The following HCN1 variants were observed in gnomAD, a reference collection of about 807,000 sequenced individuals.
HCN1 encodes the protein potassium/sodium hyperpolarization-activated cyclic nucleotide-gated channel 1.
HCN1 carries 13 observed loss-of-function variants against 78.9 expected under a neutral mutation model. The observed-to-expected ratio is 0.16, with a 90% CI of 0.11 to 0.26. The LOEUF (loss-of-function observed/expected upper bound fraction) is 0.26. Among genes scored for constraint, HCN1 ranks in the 10% least tolerant of loss-of-function variants. The pLI is 1.00. For missense variants in HCN1, 810 were observed against 1,154.3 expected, an observed-to-expected ratio of 0.70 and a Z score of 4.32; for synonymous variants, 552 against 455.5, an observed-to-expected ratio of 1.21 and a Z score of -2.70.
At chr5:45,647,031 A>C (rs931800334) in intron 1 of HCN1, among the ~76,000 whole-genome samples, 8 of 152,170 alleles carry the variant, frequency 5.3e-5, no homozygotes, top group African/African-American at 1.9e-4. Context: ...TATCATCTGT[A>C]ATTAAGAATG....
At chr5:45,321,950 T>C (rs1746134770) in intron 5 of HCN1, among the ~76,000 whole-genome samples, 2 of 151,860 alleles carry the variant, frequency 1.3e-5, no homozygotes, top group South Asian at 4.1e-4. Context: ...ATATGTCAGG[T>C]AAATAAGAAG....
chr5:45,372,511 T>A (rs1240008488), intron 4 of HCN1, among the ~76,000 whole-genome samples: 1 of 124,594 alleles, frequency 8.0e-6, no homozygotes, highest in East Asian at 2.3e-4. Context: ...ATATAAAACA[T>A]TTACATATAA....
intron 4 of HCN1, among the ~76,000 whole-genome samples, chr5:45,381,487 T>A (rs1747805795): frequency 1.3e-5 from 2 of 152,168 alleles, no homozygotes; most frequent in Admixed American, 1.3e-4. Flanking sequence ...CTCATTCATG[T>A]AAAGTTAGTA....
chr5:45,500,788 T>C (rs1248222319), intron 2 of HCN1, among the ~76,000 whole-genome samples: 2 of 152,180 alleles, frequency 1.3e-5, no homozygotes, highest in African/African-American at 2.4e-5. Flanking sequence ...ATGTAAATCA[T>C]TTTATTTGAG....
At chr5:45,456,652 A>C (rs1366237703) in intron 3 of HCN1, among the ~76,000 whole-genome samples, 3 of 152,042 alleles carry the variant, frequency 2.0e-5, no homozygotes, top group African/African-American at 7.2e-5. Flanking sequence ...ATCAACAAAT[A>C]CATCTTAATG....
At chr5:45,426,592 C>T (rs1579886599) in intron 3 of HCN1, among the ~76,000 whole-genome samples, 1 of 152,294 alleles carries the variant, frequency 6.6e-6, no homozygotes, top group South Asian at 2.1e-4. Context: ...CTTTCTTCCC[C>T]TTCTGCCATG....
At chr5:45,515,570 A>T (rs1174337225) in intron 2 of HCN1, among the ~76,000 whole-genome samples, 2 of 152,040 alleles carry the variant, frequency 1.3e-5, no homozygotes, top group Non-Finnish European at 2.9e-5. Context: ...TTGTTATCAC[A>T]TACCAGGAAT....
chr5:45,687,889 C>T (rs951477612), intron 1 of HCN1, among the ~76,000 whole-genome samples: 6 of 152,026 alleles, frequency 3.9e-5, no homozygotes, highest in East Asian at 3.9e-4. Context: ...TCCAGTTTCC[C>T]GACTGAGAAA....
intron 2 of HCN1, among the ~76,000 whole-genome samples, chr5:45,506,389 C>T (rs1742301572): frequency 6.6e-6 from 1 of 152,074 alleles, no homozygotes; most frequent in Admixed American, 6.6e-5. Flanking sequence ...ATAAAATCCA[C>T]CTCAAATTTG....
intron 5 of HCN1, among the ~76,000 whole-genome samples, chr5:45,347,883 G>A (rs1038161961): frequency 3.3e-5 from 5 of 152,162 alleles, no homozygotes; most frequent in East Asian, 1.9e-4. Context: ...CCAAATCTAC[G>A]TCTGATTGGT....
intron 2 of HCN1, among the ~76,000 whole-genome samples, chr5:45,612,432 C>T (rs529948627): frequency 7.2e-5 from 11 of 152,234 alleles, no homozygotes; most frequent in Middle Eastern, 3.4e-3. Context: ...AAGGAAAGCA[C>T]ATTTATAATG....
At chr5:45,376,287 AT>A (rs1382382695) in intron 4 of HCN1, among the ~76,000 whole-genome samples, 1 of 1,334 alleles carries the variant, frequency 7.5e-4, no homozygotes, top group African/African-American at 2.2e-3. Flanking sequence ...GAATATATAG[AT>A]ATATATTGTA....
intron 7 of HCN1, among the ~76,000 whole-genome samples, chr5:45,266,751 C>T (rs1426857241): frequency 6.6e-6 from 1 of 151,298 alleles, no homozygotes; most frequent in Non-Finnish European, 1.5e-5. Flanking sequence ...CTCTCTCTCC[C>T]AGACGGGAGT....
intron 2 of HCN1, among the ~76,000 whole-genome samples, chr5:45,492,497 C>T (rs1037368937): frequency 1.4e-5 from 2 of 141,198 alleles, no homozygotes; most frequent in African/African-American, 5.3e-5. Flanking sequence ...GAGACAGTGG[C>T]GTTACCAGCA....
intron 6 of HCN1, among the ~76,000 whole-genome samples, chr5:45,268,686 A>G (rs1744906762): frequency 6.6e-6 from 1 of 152,226 alleles, no homozygotes; most frequent in South Asian, 2.1e-4. Context: ...CTAAACCATC[A>G]ATTATGCTGT....
At chr5:45,665,610 A>G (rs1286044289) in intron 1 of HCN1, among the ~76,000 whole-genome samples, 1 of 151,920 alleles carries the variant, frequency 6.6e-6, no homozygotes, top group Non-Finnish European at 1.5e-5. Context: ...AGATACTTGG[A>G]AAAAAAAGTA....
chr5:45,666,808 C>T (rs1746059332), intron 1 of HCN1, among the ~76,000 whole-genome samples: 1 of 151,934 alleles, frequency 6.6e-6, no homozygotes, highest in African/African-American at 2.4e-5. Flanking sequence ...TAAATAAAGA[C>T]ACTGCATCAT....
intron 3 of HCN1, among the ~76,000 whole-genome samples, chr5:45,444,639 A>C (rs956312180): frequency 6.6e-6 from 1 of 152,116 alleles, no homozygotes; most frequent in South Asian, 2.1e-4. Context: ...CCATTCTCTT[A>C]GGCTAAGTTC....
chr5:45,464,978 T>C (rs1244550638), intron 2 of HCN1, among the ~76,000 whole-genome samples: 5 of 152,202 alleles, frequency 3.3e-5, no homozygotes, highest in East Asian at 3.9e-4. Flanking sequence ...TGTGACTTTA[T>C]TCACCTTACT....
Sources: gnomAD v4.1 joint callset for allele counts (sites outside exome capture counted in the v4.1 genomes callset) on GRCh38, gnomAD v4.1.1 for gene constraint, MANE v1.5 for transcripts, NCBI Gene and HGNC (gene_info 2026-07-23, HGNC 2026-07-21) for gene names.